The following RALYL variants were observed in gnomAD, a reference collection of about 807,000 sequenced individuals.
RALYL encodes RALY RNA binding protein like.
In RALYL, 29 loss-of-function variants were observed where a neutral mutation model predicts 35.1. That is an observed-to-expected ratio of 0.83 (90% confidence interval 0.61 to 1.13). The LOEUF is 1.13. RALYL is among the 50% of genes most tolerant of loss of function. RALYL has a pLI of 0.00. For missense variants in RALYL, 359 were observed against 360.4 expected (o/e 1.00, Z 0.03); for synonymous variants, 120 against 127.6 (o/e 0.94, Z 0.40).
chr8:84,862,387 G>A lies in RALYL; in HGVS notation c.505G>A (p.Gly169Arg). 6.2e-7 allele frequency: 1 copy of A among 1,607,522 alleles called. No individual in the cohort carries two copies. The highest frequency in any genetic ancestry group is 8.5e-7 in the Non-Finnish European group (1 of 1,177,350). ...PRVAVTTTRRGKGVFSMKGGS... is the reference protein window; with the variant it reads ...PRVAVTTTRRRKGVFSMKGGS... ...AGTGGCAGTCACAACGACTCGCAGG[G>A]GGAAAGGAGTCTTTTCCATGAAAGG... The change falls in exon 6 of 9, where the codon GGG (glycine) becomes AGG (arginine). Residue 169 changes from glycine (G) to arginine (R), a missense_variant. By Grantham distance (125) the Gly-to-Arg change is moderately radical. Transcript: ENST00000521268.
chr8:84,648,755 A>C (rs533626630), intron 2 of RALYL, among the ~76,000 whole-genome samples: 1 of 151,458 alleles, frequency 6.6e-6, no homozygotes, highest in Non-Finnish European at 1.5e-5. Flanking sequence ...ATTTGAATTT[A>C]TATTCAATGC....
At chr8:84,705,787 G>A (rs532887062) in intron 2 of RALYL, 51 of 660,814 alleles carry the variant, frequency 7.7e-5, no homozygotes, top group African/African-American at 4.8e-4. Flanking sequence ...CTATAGGATC[G>A]GGGGAGGTGA....
intron 1 of RALYL, among the ~76,000 whole-genome samples, chr8:84,186,200 G>A (rs978650188): frequency 6.6e-6 from 1 of 152,078 alleles, no homozygotes; most frequent in Non-Finnish European, 1.5e-5. Context: ...ATCTTGAGGT[G>A]TATAGTTCTA....
intron 5 of RALYL, among the ~76,000 whole-genome samples, chr8:84,856,913 A>G (rs1837126147): frequency 6.6e-6 from 1 of 151,262 alleles, no homozygotes; most frequent in Non-Finnish European, 1.5e-5. Flanking sequence ...CTGTAGTCCC[A>G]GCTACTCGGG....
chr8:84,546,418 G>A (rs945559692), intron 2 of RALYL, among the ~76,000 whole-genome samples: 3 of 152,280 alleles, frequency 2.0e-5, no homozygotes, highest in Non-Finnish European at 2.9e-5. Flanking sequence ...ACCACGCCGA[G>A]CCAAGAGAGA....
At chr8:84,646,219 T>C (rs575359911) in intron 2 of RALYL, among the ~76,000 whole-genome samples, 1 of 151,966 alleles carries the variant, frequency 6.6e-6, no homozygotes, top group Non-Finnish European at 1.5e-5. Context: ...CCTGGTTGTT[T>C]TTCTCTTTAT....
At chr8:84,900,874 G>A (rs1845569700) in intron 8 of RALYL, among the ~76,000 whole-genome samples, 1 of 152,148 alleles carries the variant, frequency 6.6e-6, no homozygotes, top group Non-Finnish European at 1.5e-5. Context: ...CAAGACTATT[G>A]TAGTAAGAGA....
At chr8:84,375,999 T>A (rs112491728) in intron 1 of RALYL, among the ~76,000 whole-genome samples, 1 of 151,856 alleles carries the variant, frequency 6.6e-6, no homozygotes, top group African/African-American at 2.4e-5. Context: ...TTTCCGAAAG[T>A]GAAAAGCTTC....
chr8:84,451,832 AC>A (rs1187655569), intron 1 of RALYL, among the ~76,000 whole-genome samples: 2 of 152,140 alleles, frequency 1.3e-5, no homozygotes, highest in Admixed American at 6.6e-5. Flanking sequence ...ATTTGGCATT[AC>A]TTATTCCCAT....
At chr8:84,750,963 T>A (rs1809840103) in intron 2 of RALYL, among the ~76,000 whole-genome samples, 1 of 152,178 alleles carries the variant, frequency 6.6e-6, no homozygotes, top group Non-Finnish European at 1.5e-5. Context: ...CTTCCCTGCA[T>A]TTATCTTGCT....
intron 2 of RALYL, among the ~76,000 whole-genome samples, chr8:84,551,435 A>G (rs1299799629): frequency 1.3e-5 from 2 of 152,136 alleles, no homozygotes; most frequent in African/African-American, 4.8e-5. Context: ...TTCCATATAG[A>G]TGTGCTAGAT....
chr8:84,258,203 G>A (rs567026180), intron 1 of RALYL, among the ~76,000 whole-genome samples: 2 of 152,172 alleles, frequency 1.3e-5, no homozygotes, highest in Non-Finnish European at 2.9e-5. Context: ...TCCTTTATCT[G>A]TTTGTCTCAT....
At chr8:84,583,353 T>A (rs1010558488) in intron 2 of RALYL, among the ~76,000 whole-genome samples, 6 of 152,144 alleles carry the variant, frequency 3.9e-5, no homozygotes, top group African/African-American at 1.4e-4. Flanking sequence ...ATTATTTCAC[T>A]TTGATAAAAA....
intron 2 of RALYL, among the ~76,000 whole-genome samples, chr8:84,668,620 T>C (rs894573920): frequency 1.3e-5 from 2 of 151,964 alleles, no homozygotes; most frequent in Non-Finnish European, 2.9e-5. Context: ...ATAATCACAG[T>C]TGGCATTAAA....
chr8:84,757,482 A>G (rs769538620), intron 2 of RALYL, among the ~76,000 whole-genome samples: 6 of 152,164 alleles, frequency 3.9e-5, no homozygotes, highest in Non-Finnish European at 7.4e-5. Flanking sequence ...GGAGGAGATG[A>G]TTTATATGCT....
chr8:84,717,533 A>C (rs1212051871), intron 2 of RALYL, among the ~76,000 whole-genome samples: 1 of 152,206 alleles, frequency 6.6e-6, no homozygotes, highest in East Asian at 1.9e-4. Flanking sequence ...TGGAATTCTC[A>C]GTAAGTTGCC....
At chr8:84,423,711 T>C (rs373882018) in intron 1 of RALYL, among the ~76,000 whole-genome samples, 36 of 151,484 alleles carry the variant, frequency 2.4e-4, no homozygotes, top group African/African-American at 6.9e-4. Flanking sequence ...CCATGTTTAG[T>C]GCTTCCTTCA....
chr8:84,540,547 C>A (rs892760599), intron 2 of RALYL, among the ~76,000 whole-genome samples: 1 of 133,908 alleles, frequency 7.5e-6, no homozygotes, highest in Non-Finnish European at 1.7e-5. Context: ...TGGAATCAAC[C>A]CATCATGATA....
chr8:84,745,353 T>G (rs1421289151), intron 2 of RALYL, among the ~76,000 whole-genome samples: 1 of 152,050 alleles, frequency 6.6e-6, no homozygotes, highest in African/African-American at 2.4e-5. Flanking sequence ...TAAGATCCTA[T>G]TTTTTAAATG....
Sources: gnomAD v4.1 joint callset for allele counts (sites outside exome capture counted in the v4.1 genomes callset) on GRCh38, gnomAD v4.1.1 for gene constraint, MANE v1.5 for transcripts, NCBI Gene and HGNC (gene_info 2026-07-23, HGNC 2026-07-21) for gene names.